TGFBR2: variants seen among roughly 807,000 people sequenced by gnomAD.
TGFBR2 encodes the protein transforming growth factor beta receptor 2, also known as TGF-beta receptor type-2.
A neutral mutation model predicts 49.0 loss-of-function variants in TGFBR2; 18 were observed. That is an observed-to-expected ratio of 0.37 (90% CI 0.25 to 0.54). The LOEUF (loss-of-function observed/expected upper bound fraction) is 0.54, where lower values mean the gene tolerates loss of function less well. Ranked by LOEUF, TGFBR2 falls within the 20% of genes least tolerant of loss-of-function variation. TGFBR2 has a pLI of 0.85. For missense variants in TGFBR2, 525 were observed against 722.6 expected (o/e 0.73, Z 3.13); for synonymous variants, 282 against 275.9 (o/e 1.02, Z -0.22).
intron 5 of TGFBR2, among the ~76,000 whole-genome samples, chr3:30,685,243 C>T (rs909735985): frequency 1.3e-5 from 2 of 152,190 alleles, no homozygotes; most frequent in African/African-American, 2.4e-5. Context: ...ATCAGAGTAA[C>T]GGTAATACAA....
chr3:30,628,512 T>C (rs1260544750), intron 1 of TGFBR2, among the ~76,000 whole-genome samples: 1 of 147,810 alleles, frequency 6.8e-6, no homozygotes, highest in Admixed American at 6.7e-5. Context: ...AAAAAAGCCT[T>C]TGAAAAAGCC....
chr3:30,634,897 A>G (rs1182269917), intron 1 of TGFBR2, among the ~76,000 whole-genome samples: 2 of 152,196 alleles, frequency 1.3e-5, no homozygotes, highest in Non-Finnish European at 2.9e-5. Context: ...TTGATCTAAT[A>G]TACCATTTGC....
chr3:30,646,841 T>G (rs1472822437), intron 2 of TGFBR2, among the ~76,000 whole-genome samples: 1 of 152,180 alleles, frequency 6.6e-6, no homozygotes, highest in Non-Finnish European at 1.5e-5. Flanking sequence ...TGACCAGTAA[T>G]ACAAGCCCAA....
chr3:30,607,691 G>T (rs1291801610), intron 1 of TGFBR2, among the ~76,000 whole-genome samples: 2 of 151,446 alleles, frequency 1.3e-5, no homozygotes, highest in African/African-American at 4.9e-5. Flanking sequence ...GGAGTTGATG[G>T]TTCTATGCAA....
At chr3:30,615,549 AT>A (rs1369426357) in intron 1 of TGFBR2, among the ~76,000 whole-genome samples, 1 of 152,186 alleles carries the variant, frequency 6.6e-6, no homozygotes, top group African/African-American at 2.4e-5. Flanking sequence ...AGACTGAATT[AT>A]TTTTCTATTC....
chr3:30,669,846 G>A (rs781184581), intron 3 of TGFBR2, among the ~76,000 whole-genome samples: 2 of 152,122 alleles, frequency 1.3e-5, no homozygotes, highest in Non-Finnish European at 2.9e-5. Context: ...ACACCTTACC[G>A]AGGACTTCCA....
chr3:30,609,426 A>G (rs1697991835), intron 1 of TGFBR2, among the ~76,000 whole-genome samples: 1 of 152,200 alleles, frequency 6.6e-6, no homozygotes, highest in Non-Finnish European at 1.5e-5. Context: ...TACGTCACCT[A>G]AAAAGGCCCA....
At chr3:30,631,398 A>ATCTC (rs1698434575) in intron 1 of TGFBR2, among the ~76,000 whole-genome samples, 1 of 152,030 alleles carries the variant, frequency 6.6e-6, no homozygotes, top group Non-Finnish European at 1.5e-5. Flanking sequence ...TACTCACCAC[A>ATCTC]AGAGAGACCT....
intron 5 of TGFBR2, among the ~76,000 whole-genome samples, chr3:30,681,251 A>G (rs1699535114): frequency 6.6e-6 from 1 of 151,820 alleles, no homozygotes; most frequent in Non-Finnish European, 1.5e-5. Context: ...GAGGCGTTGG[A>G]GAGACGGCTG....
chr3:30,680,129 GC>G (rs199498232), intron 5 of TGFBR2, among the ~76,000 whole-genome samples: 2 of 134,534 alleles, frequency 1.5e-5, no homozygotes, highest in East Asian at 2.4e-4. Flanking sequence ...CATCCCCCCC[GC>G]CCCCCAAAAA....
Position 30,648,905 on chromosome 3 carries a change from G to A in TGFBR2, c.264-1365G>A, listed in dbSNP as rs1166076243. ...CCTTGACTTAAGCACTAAAAAAGTG[G>A]TATTGGTCAAAGTTGCTCTTTCTCT... On this transcript the variant is annotated intron_variant, in intron 2 of 6. Transcript: ENST00000295754. 2.0e-5 allele frequency among the ~76,000 whole-genome samples: 3 copies of A among 152,228 alleles called. 1 individual carries two copies. The highest frequency in any genetic ancestry group is 4.8e-5 in the African/African-American group (2 of 41,538).
chr3:30,653,117 T>G (rs1318032433), intron 3 of TGFBR2, among the ~76,000 whole-genome samples: 1 of 152,198 alleles, frequency 6.6e-6, no homozygotes, highest in African/African-American at 2.4e-5. Context: ...AGGGGGTGTT[T>G]GCTTTTTAAG....
At chr3:30,614,620 T>C (rs954235287) in intron 1 of TGFBR2, among the ~76,000 whole-genome samples, 1 of 152,214 alleles carries the variant, frequency 6.6e-6, no homozygotes. Flanking sequence ...CCAATAATCA[T>C]AGTAGCTACC....
rs147616085 is a variant in TGFBR2, at chr3:30,662,758, T to C, written c.455-8880T>C. ...TAGAAAATTATCATGGGCCATTTTC[T>C]CATTGGCTAGTGCTGAATACAGCTG... On this transcript the variant is annotated intron_variant, in intron 3 of 6. Transcript: ENST00000295754. 3.5e-3 allele frequency among the ~76,000 whole-genome samples: 535 copies of C among 152,350 alleles called. 5 individuals are homozygous for C. Among genetic ancestry groups the C allele is most frequent in the African/African-American group, 0.012 (518 of 41,574 alleles).
rs1241015004 is a variant in TGFBR2, at chr3:30,676,510, G to A, written c.1396+2264G>A. Among the ~76,000 whole-genome samples the A allele has an allele frequency of 2.0e-5, 3 of 152,080 alleles. No individual in the cohort carries two copies. Among genetic ancestry groups the A allele is most frequent in the African/African-American group, 7.2e-5 (3 of 41,412 alleles). ...CCCCTGTTCTTTGTTTACTAATTAT[G>A]TATTTATATCAGCAGGGGATTTGGG... On this transcript the variant is annotated intron_variant, in intron 5 of 6. Transcript: ENST00000295754. This position sits in a 1 kb window ranked among gnomAD's most constrained non-coding sequence, Gnocchi z 4.3.
At chr3:30,682,324 A>C (rs1699554519) in intron 5 of TGFBR2, among the ~76,000 whole-genome samples, 1 of 152,256 alleles carries the variant, frequency 6.6e-6, no homozygotes, top group African/African-American at 2.4e-5. Context: ...GGGCAAAAAC[A>C]ACAAATAATA....
chr3:30,673,994 A>AT (rs1341558916), intron 4 of TGFBR2, 111 bp from the exon 5 acceptor site: 5 of 1,333,086 alleles, frequency 3.8e-6, no homozygotes, highest in African/African-American at 2.9e-5. Context: ...CAGCACTTTG[A>AT]TTTTTTAAAA....
chr3:30,646,692 A>C (rs907293315), intron 2 of TGFBR2, among the ~76,000 whole-genome samples: 7 of 152,256 alleles, frequency 4.6e-5, no homozygotes, highest in African/African-American at 1.4e-4. Flanking sequence ...CCATATGTCA[A>C]ATAGAATGCA....
chr3:30,681,387 C>G (rs940590662), intron 5 of TGFBR2, among the ~76,000 whole-genome samples: 13 of 152,084 alleles, frequency 8.5e-5, no homozygotes, highest in Non-Finnish European at 1.8e-4. Context: ...TGCCCTGTTA[C>G]ATTGGGACTA....
Sources: allele counts gnomAD v4.1 joint callset (sites outside exome capture counted in the v4.1 genomes callset), GRCh38; gene constraint gnomAD v4.1.1; non-coding constraint Gnocchi (gnomAD v3.1); transcripts MANE v1.5; gene names NCBI Gene and HGNC (gene_info 2026-07-23, HGNC 2026-07-21).